Variants in CCBE1 observed in about 807,000 individuals in gnomAD.
CCBE1 encodes the protein collagen and calcium-binding EGF domain-containing protein 1.
Under a neutral mutation model 50.0 loss-of-function variants are expected in CCBE1, and 37 were observed. The ratio of observed to expected loss-of-function variants is 0.74; its 90% confidence interval spans 0.57 to 0.97. The LOEUF (loss-of-function observed/expected upper bound fraction) is 0.97, where lower values mean the gene tolerates loss of function less well. CCBE1 is among the 50% of genes least tolerant of loss of function. The pLI is 0.00. For missense variants in CCBE1, 538 were observed against 523.8 expected (o/e 1.03, Z -0.26); for synonymous variants, 234 against 203.7 (o/e 1.15, Z -1.27).
At position 59,589,058 on chromosome 18, in the gene CCBE1, G is replaced by A. The variant is rs189695211; in HGVS notation, c.212+107571C>T. Among the ~76,000 whole-genome samples, 368 of 152,308 alleles carry A rather than the reference G, an allele frequency of 2.4e-3. 4 individuals carry two copies. Among genetic ancestry groups the A allele is most frequent in the African/African-American group, 8.5e-3 (353 of 41,572 alleles). On this transcript the variant is annotated intron_variant, in intron 2 of 10. Coordinates refer to ENST00000439986, the MANE Select transcript of CCBE1 (RefSeq NM_133459.4). ...TCCAGTAGCACAGCATCTTAGCAAT[G>A]TAACCACGCATTAAAGCACAGCCAT...
At chr18:59,658,409 ATATAT>A (rs2054233548) in intron 2 of CCBE1, among the ~76,000 whole-genome samples, 6 of 67,188 alleles carry the variant, frequency 8.9e-5, no homozygotes, top group Non-Finnish European at 1.4e-4. Flanking sequence ...ATATATATAT[ATATAT>A]ATAAAGTTAG....
rs138933353 is a variant in CCBE1 at position 59,469,512 on chromosome 18, G to T, written c.361C>A (p.Arg121=). 1 of 1,614,120 alleles carries T rather than the reference G, an allele frequency of 6.2e-7. No individual in the cohort carries two copies. The highest frequency in any genetic ancestry group is 8.5e-7 in the Non-Finnish European group (1 of 1,180,022). ...CTCYPGYRYD[R]ERHRKREKPY... is the part of the protein sequence containing the mutation. ...TTCTCCCGCTTCCGGTGTCTCTCCC[G>T]GTCATATCGGTATCCCGGATAACAA... is the stretch of plus-strand genomic sequence containing the variant. Residue 121 remains arginine (R), a synonymous_variant, in exon 4 of 11, where the codon CGG becomes AGG. Transcript: ENST00000439986.
chr18:59,575,713 T>C (rs2052984925), intron 2 of CCBE1, among the ~76,000 whole-genome samples: 1 of 152,178 alleles, frequency 6.6e-6, no homozygotes, highest in South Asian at 2.1e-4. Flanking sequence ...CATTTGACCA[T>C]CATTGATAGG....
Position 59,433,162 on chromosome 18 carries a change from A to T in CCBE1, c.*2746T>A, listed in dbSNP as rs758679541. 1.3e-5 allele frequency: 2 copies of T among 152,146 alleles called. No homozygotes were observed. The highest frequency in any genetic ancestry group is 2.9e-5 in the Non-Finnish European group (2 of 68,026). The allele number at this position is 152,146 out of a possible 1,614,324, so 9.4% of individuals were successfully genotyped here. ...TGCTAGATAAAGAGCACCCCACCCTAAAAAGAAATTTTTTCTTTTTAAAAA... is the reference window on the plus strand; with the variant it reads ...TGCTAGATAAAGAGCACCCCACCCTTAAAAGAAATTTTTTCTTTTTAAAAA... On this transcript the variant is annotated 3_prime_UTR_variant, in exon 11 of 11. Coordinates refer to ENST00000439986, the MANE Select transcript of CCBE1 (RefSeq NM_133459.4).
intron 2 of CCBE1, among the ~76,000 whole-genome samples, chr18:59,502,437 T>C (rs67965749): frequency 0.023 from 3,304 of 143,224 alleles, 144 homozygotes; most frequent in East Asian, 0.22. Flanking sequence ...CCACCCCCAC[T>C]ACCCCTAACA....
chr18:59,599,960 CA>C (rs907029537), intron 2 of CCBE1, among the ~76,000 whole-genome samples: 3 of 152,156 alleles, frequency 2.0e-5, no homozygotes, highest in South Asian at 2.1e-4. Context: ...CCATTCAGAG[CA>C]AAAACTCACC....
chr18:59,526,812 T>C (rs1326550526), intron 2 of CCBE1, among the ~76,000 whole-genome samples: 1 of 152,224 alleles, frequency 6.6e-6, no homozygotes, highest in Non-Finnish European at 1.5e-5. Flanking sequence ...CACTTAGTTT[T>C]GTGGTTTTGA....
At chr18:59,645,767 C>T (rs920185251) in intron 2 of CCBE1, among the ~76,000 whole-genome samples, 5 of 152,202 alleles carry the variant, frequency 3.3e-5, no homozygotes, top group African/African-American at 9.7e-5. Flanking sequence ...CGCGGTGGCT[C>T]ACGCCTATAA....
At chr18:59,451,082 G>T (rs1441558707) in intron 6 of CCBE1, among the ~76,000 whole-genome samples, 3 of 152,140 alleles carry the variant, frequency 2.0e-5, no homozygotes, top group African/African-American at 7.2e-5. Flanking sequence ...CGTTGGCATG[G>T]TTTCCCCATA....
intron 2 of CCBE1, among the ~76,000 whole-genome samples, chr18:59,607,165 T>C (rs2053509653): frequency 6.6e-6 from 1 of 152,148 alleles, no homozygotes; most frequent in African/African-American, 2.4e-5. Context: ...AAAAGTCCTG[T>C]CCAGTACAGC....
chr18:59,628,164 T>A (rs142024550), intron 2 of CCBE1, among the ~76,000 whole-genome samples: 1 of 152,176 alleles, frequency 6.6e-6, no homozygotes, highest in East Asian at 1.9e-4. Flanking sequence ...CTGCAGTGAA[T>A]TTTGATCGTG....
At chr18:59,610,344 G>T (rs7245036) in intron 2 of CCBE1, among the ~76,000 whole-genome samples, 62,177 of 151,724 alleles carry the variant, frequency 0.41, 13,141 homozygotes, top group East Asian at 0.65. Context: ...CAAAATTAAC[G>T]TCCAAGAATG....
chr18:59,543,974 C>T (rs1313650087), intron 2 of CCBE1, among the ~76,000 whole-genome samples: 1 of 151,668 alleles, frequency 6.6e-6, no homozygotes, highest in Non-Finnish European at 1.5e-5. Context: ...AAATTTCAAA[C>T]ACACGTATTC....
intron 2 of CCBE1, among the ~76,000 whole-genome samples, chr18:59,596,119 G>A (rs768373485): frequency 5.3e-5 from 8 of 152,324 alleles, no homozygotes; most frequent in South Asian, 2.1e-4. Flanking sequence ...TAAGGGGTCT[G>A]AACAGAGTGA....
chr18:59,610,706 A>T lies in CCBE1; in HGVS notation c.212+85923T>A, dbSNP rs2053557065. ...TGCAGCTACTTCCTAAGTGGGCTCC[A>T]GAGTTCACTCAGAAAATACGCCTAA... On this transcript the variant is annotated intron_variant, in intron 2 of 10. Transcript: ENST00000439986. 2.0e-5 allele frequency among the ~76,000 whole-genome samples: 3 copies of T among 152,256 alleles called. No homozygotes were observed. The South Asian group carries it at 6.2e-4, about 31-fold the overall frequency.
At chr18:59,592,840 C>T (rs548828329) in intron 2 of CCBE1, among the ~76,000 whole-genome samples, 1 of 151,972 alleles carries the variant, frequency 6.6e-6, no homozygotes, top group East Asian at 1.9e-4. Context: ...CAGCAAAATT[C>T]AAATTGTAGG....
intron 2 of CCBE1, among the ~76,000 whole-genome samples, chr18:59,574,592 C>T (rs1021254147): frequency 6.6e-6 from 1 of 152,188 alleles, no homozygotes; most frequent in Non-Finnish European, 1.5e-5. Flanking sequence ...CTTTAAACTT[C>T]TATACTCTAT....
chr18:59,450,350 A>C (rs1910873311), intron 6 of CCBE1, among the ~76,000 whole-genome samples: 1 of 152,202 alleles, frequency 6.6e-6, no homozygotes, highest in African/African-American at 2.4e-5. Context: ...TGATTATCAT[A>C]AAATCCTTAG....
intron 3 of CCBE1, among the ~76,000 whole-genome samples, chr18:59,477,565 T>TGTGTGTGTGTGTGTGC (rs398059300): frequency 8.9e-5 from 13 of 146,082 alleles, no homozygotes; most frequent in Non-Finnish European, 1.8e-4. Flanking sequence ...TGTGTGTGTG[T>TGTGTGTGTGTGTGTGC]GCACCTGCAT....
Sources: allele counts gnomAD v4.1 joint callset (sites outside exome capture counted in the v4.1 genomes callset), GRCh38; gene constraint gnomAD v4.1.1; transcripts MANE v1.5; gene names NCBI Gene and HGNC (gene_info 2026-07-23, HGNC 2026-07-21).